TNIK: variants seen among roughly 807,000 people sequenced by gnomAD.
TNIK encodes the protein TRAF2 and NCK-interacting protein kinase.
A neutral mutation model predicts 191.3 loss-of-function variants in TNIK; 49 were observed. The ratio of observed to expected loss-of-function variants is 0.26; its 90% CI spans 0.20 to 0.32. The LOEUF is 0.32. Among genes scored for constraint, TNIK ranks in the 10% least tolerant of loss-of-function variants. The probability of loss-of-function intolerance (pLI) is 1.00; values close to 1 mark genes in which losing one functional copy is unlikely to be tolerated. For synonymous variants in TNIK, 594 were observed against 600.9 expected (o/e 0.99, Z 0.17); for missense variants, 1,155 against 1,702.3 (o/e 0.68, Z 5.66).
intron 2 of TNIK, among the ~76,000 whole-genome samples, chr3:171,312,143 G>GAAAAA (rs1754105230): frequency 3.2e-5 from 1 of 30,948 alleles, no homozygotes; most frequent in Non-Finnish European, 6.8e-5. Flanking sequence ...AAAAAAAAAG[G>GAAAAA]GCTAGACTGG....
chr3:171,190,876 T>C, intron 5 of TNIK, 89 bp from the exon 6 acceptor site: 1 of 900,888 alleles, frequency 1.1e-6, no homozygotes, highest in Non-Finnish European at 1.7e-6. Flanking sequence ...CCAAAAACTT[T>C]ACACTCACCC....
intron 18 of TNIK, among the ~76,000 whole-genome samples, chr3:171,120,597 G>A (rs968867459): frequency 6.6e-6 from 1 of 152,138 alleles, no homozygotes; most frequent in Non-Finnish European, 1.5e-5. Context: ...GGGATTACAG[G>A]TGTGAGCCAC....
chr3:171,146,829 G>A (rs1731662750), intron 12 of TNIK, among the ~76,000 whole-genome samples: 2 of 150,876 alleles, frequency 1.3e-5, no homozygotes, highest in Non-Finnish European at 2.9e-5. Flanking sequence ...GGCGGAGGTT[G>A]CAGTGAGCTG....
intron 2 of TNIK, among the ~76,000 whole-genome samples, chr3:171,339,245 C>T (rs184050685): frequency 2.1e-3 from 317 of 152,312 alleles, no homozygotes; most frequent in Non-Finnish European, 3.5e-3. Context: ...ACTAATATGG[C>T]CTTAGGCCAG....
intron 29 of TNIK, among the ~76,000 whole-genome samples, chr3:171,069,841 C>T (rs1396782402): frequency 1.3e-5 from 2 of 152,224 alleles, no homozygotes; most frequent in Non-Finnish European, 2.9e-5. Context: ...CCCTTCTCTT[C>T]TCATCTTTTG....
At position 171,068,950 on chromosome 3, in the gene TNIK, T is replaced by C; in HGVS notation, c.3597A>G (p.Val1199=). The change falls in exon 30 of 33, where the codon GTA becomes GTG. Residue 1199 remains valine (V), a synonymous_variant. Coordinates refer to ENST00000436636, the MANE Select transcript of TNIK (RefSeq NM_015028.4). The part of the protein sequence containing the change: ...QHKPLLVDLT[V]EEGQRLKVIF... ...TAACCTTTAATCTTTGACCTTCTTC[T>C]ACCGTGAGATCAACTAGCAGAGGCT... 1 of 1,613,786 alleles carries C rather than the reference T, an allele frequency of 6.2e-7. No individual in the cohort carries two copies. Among genetic ancestry groups the C allele is most frequent in the Non-Finnish European group, 8.5e-7 (1 of 1,179,782 alleles).
chr3:171,071,762 T>TTATTTATA (rs1473079184), intron 28 of TNIK, among the ~76,000 whole-genome samples: 2 of 152,178 alleles, frequency 1.3e-5, no homozygotes, highest in African/African-American at 2.4e-5. Context: ...CATTTGCTTA[T>TTATTTATA]TATTTATATT....
At chr3:171,421,559 A>T (rs1339681354) in intron 1 of TNIK, among the ~76,000 whole-genome samples, 1 of 152,006 alleles carries the variant, frequency 6.6e-6, no homozygotes, top group Admixed American at 6.6e-5. Flanking sequence ...GTTCTCAGCT[A>T]TTTAAAAATA....
intron 8 of TNIK, among the ~76,000 whole-genome samples, chr3:171,177,025 C>T (rs879756988): frequency 5.9e-5 from 9 of 151,992 alleles, no homozygotes; most frequent in Non-Finnish European, 1.0e-4. Flanking sequence ...AGTTTTATGT[C>T]AGGTGAGGAG....
At chr3:171,083,254 C>T (rs73033800) in intron 26 of TNIK, among the ~76,000 whole-genome samples, 14,954 of 152,196 alleles carry the variant, frequency 0.098, 831 homozygotes, top group Middle Eastern at 0.16. Flanking sequence ...CAAATGTCTG[C>T]TTTTTTGTCC....
At chr3:171,144,250 C>T (rs372574107) in intron 12 of TNIK, among the ~76,000 whole-genome samples, 15 of 151,984 alleles carry the variant, frequency 9.9e-5, no homozygotes, top group Admixed American at 2.0e-4. Flanking sequence ...ATTTTTTTTC[C>T]GGTGGGGAGA....
intron 1 of TNIK, among the ~76,000 whole-genome samples, chr3:171,399,371 G>T (rs1446974418): frequency 6.6e-6 from 1 of 152,130 alleles, no homozygotes; most frequent in Non-Finnish European, 1.5e-5. Flanking sequence ...GGCAGGTTTA[G>T]CTGGAGGCCA....
intron 1 of TNIK, among the ~76,000 whole-genome samples, chr3:171,426,339 G>A (rs1398093123): frequency 3.4e-5 from 5 of 148,398 alleles, no homozygotes; most frequent in Non-Finnish European, 7.4e-5. Flanking sequence ...CTCACTCATA[G>A]GTGGGAATTG....
At chr3:171,382,993 T>C (rs552237558) in intron 1 of TNIK, among the ~76,000 whole-genome samples, 38 of 152,330 alleles carry the variant, frequency 2.5e-4, no homozygotes, top group East Asian at 2.1e-3. Flanking sequence ...CCAGACATTA[T>C]GCAGGGTATT....
intron 22 of TNIK, among the ~76,000 whole-genome samples, chr3:171,098,187 T>C (rs1328746557): frequency 6.6e-6 from 1 of 152,198 alleles, no homozygotes; most frequent in Non-Finnish European, 1.5e-5. Context: ...GAGCATTTGC[T>C]GGTATTTGAG....
At chr3:171,266,823 C>T (rs1378715769) in intron 2 of TNIK, among the ~76,000 whole-genome samples, 1 of 152,178 alleles carries the variant, frequency 6.6e-6, no homozygotes, top group Admixed American at 6.5e-5. Context: ...AAAAATCAGT[C>T]CAGCTTAAGT....
chr3:171,275,761 G>C (rs1322498986), intron 2 of TNIK, among the ~76,000 whole-genome samples: 1 of 151,964 alleles, frequency 6.6e-6, no homozygotes. Flanking sequence ...GCCGGGCGTG[G>C]TGGTGGGTGC....
intron 2 of TNIK, among the ~76,000 whole-genome samples, chr3:171,340,128 G>C (rs1757375073): frequency 6.6e-6 from 1 of 152,106 alleles, no homozygotes; most frequent in Non-Finnish European, 1.5e-5. Flanking sequence ...TGAAAAAAAT[G>C]CTAATATTTT....
intron 1 of TNIK, among the ~76,000 whole-genome samples, chr3:171,439,021 G>A (rs1443319364): frequency 1.3e-5 from 2 of 152,200 alleles, no homozygotes; most frequent in Non-Finnish European, 2.9e-5. Flanking sequence ...ATGGGAAGCA[G>A]CAATAGCACA....
Sources: allele counts gnomAD v4.1 joint callset (sites outside exome capture counted in the v4.1 genomes callset), GRCh38; gene constraint gnomAD v4.1.1; transcripts MANE v1.5; gene names NCBI Gene and HGNC (gene_info 2026-07-23, HGNC 2026-07-21).